The following JADE3 variants were observed in gnomAD, a reference collection of about 807,000 sequenced individuals.
JADE3 encodes protein Jade-3.
JADE3 carries 2 observed loss-of-function variants against 50.1 expected under a neutral mutation model. That is an observed-to-expected ratio of 0.04 (90% CI 0.02 to 0.13). The LOEUF (loss-of-function observed/expected upper bound fraction) is 0.13, where lower values mean the gene tolerates loss of function less well. JADE3 is among the 10% of genes least tolerant of loss of function. The pLI is 1.00. For missense variants in JADE3, 475 were observed against 634.4 expected, an observed-to-expected ratio of 0.75 and a Z score of 2.70; for synonymous variants, 218 against 232.9, an observed-to-expected ratio of 0.94 and a Z score of 0.58.
chrX:46,925,978 C>T (rs1926353411), intron 1 of JADE3, among the ~76,000 whole-genome samples: 1 of 109,015 alleles, frequency 9.2e-6, no homozygotes, highest in African/African-American at 3.3e-5. Context: ...ACCTCAGCTT[C>T]CTGAGTAGCT....
At chrX:47,047,729 A>C (rs1556371010) in intron 8 of JADE3, among the ~76,000 whole-genome samples, 1 of 111,472 alleles carries the variant, frequency 9.0e-6, no homozygotes, top group Non-Finnish European at 1.9e-5. Flanking sequence ...TCAAAATGTT[A>C]AACATAGAGT....
At position 46,926,021 on chromosome X, in the gene JADE3, AATTTTATTTT is replaced by A. The variant is rs201354375; in HGVS notation, c.-12+13349_-12+13358del. Among the ~76,000 whole-genome samples the A allele has an allele frequency of 3.8e-3, 304 of 80,081 alleles. 1 individual carries two copies. The highest frequency in any genetic ancestry group is 0.012 in the African/African-American group (229 of 19,374). The allele number at this position is 80,081 out of a possible 115,157, so 69.5% of individuals were successfully genotyped here. On this transcript the variant is annotated intron_variant, in intron 1 of 10. Transcript: ENST00000614628. ...CAGGTGTACACCACCATGCCCAGCT[AATTTTATTTT>A]ATTTTATTTTATTTTATTTTATTTT...
chrX:46,914,393 C>T (rs1161993299), intron 1 of JADE3, among the ~76,000 whole-genome samples: 4 of 111,997 alleles, frequency 3.6e-5, no homozygotes, highest in Admixed American at 2.8e-4. Context: ...TCTTCGGATA[C>T]GTAAAAATAG....
intron 1 of JADE3, among the ~76,000 whole-genome samples, chrX:46,924,776 T>G (rs1602370330): frequency 8.9e-6 from 1 of 112,554 alleles, no homozygotes; most frequent in East Asian, 2.8e-4. Flanking sequence ...CAAAATTCAA[T>G]GTATGCCTTT....
At chrX:46,966,641 C>T (rs1556349151) in intron 1 of JADE3, among the ~76,000 whole-genome samples, 1 of 111,578 alleles carries the variant, frequency 9.0e-6, no homozygotes, top group South Asian at 3.8e-4. Flanking sequence ...CACATTTTTC[C>T]AAGAATTCTG....
chrX:46,921,983 A>G (rs1399710883), intron 1 of JADE3, among the ~76,000 whole-genome samples: 1 of 106,324 alleles, frequency 9.4e-6, no homozygotes, highest in Non-Finnish European at 1.9e-5. Context: ...GGTCTGCCAC[A>G]TAGGTATATA....
At chrX:46,994,276 TG>T (rs1249839781) in intron 3 of JADE3, among the ~76,000 whole-genome samples, 2 of 111,956 alleles carry the variant, frequency 1.8e-5, no homozygotes, top group African/African-American at 3.2e-5. Context: ...AGGCCTCCTT[TG>T]TTTCTGCAAG....
At chrX:47,025,357 A>G (rs1362060381) in intron 5 of JADE3, among the ~76,000 whole-genome samples, 4 of 111,567 alleles carry the variant, frequency 3.6e-5, no homozygotes, top group African/African-American at 1.3e-4. Context: ...CAACTTCAGT[A>G]TTGAGCAGCA....
At chrX:47,009,770 G>A (rs1047047750) in intron 4 of JADE3, among the ~76,000 whole-genome samples, 2 of 108,624 alleles carry the variant, frequency 1.8e-5, no homozygotes, top group Non-Finnish European at 3.8e-5. Flanking sequence ...GACTACAGGC[G>A]CACACCACCG....
chrX:46,995,250 C>T (rs975111910), intron 3 of JADE3, among the ~76,000 whole-genome samples: 4 of 110,684 alleles, frequency 3.6e-5, no homozygotes, highest in Non-Finnish European at 5.7e-5. Flanking sequence ...AGGATGGTCT[C>T]GATCTCCTGA....
chrX:46,985,765 T>G lies in JADE3; in HGVS notation c.99T>G (p.Ile33Met), dbSNP rs1556354382. Residue 33 changes from isoleucine to methionine, a missense_variant, in exon 3 of 11, where the codon ATT becomes ATG. By Grantham distance (10) the Ile-to-Met change is conservative (BLOSUM62 1). Around this residue, in one of 6 missense-constraint regions of JADE3, gnomAD observed 31 missense variants for 29.3 expected, o/e 1.06. Transcript: ENST00000614628. ...CAATGTATAGGATCAAGTCAAAAATTCCAAATGAACACAAGAAACCTGCTG... is the reference window on the plus strand; with the variant it reads ...CAATGTATAGGATCAAGTCAAAAATGCCAAATGAACACAAGAAACCTGCTG... ...SGSMYRIKSK[I>M]PNEHKKPAEV... is the part of the protein sequence containing the mutation. The G allele has an allele frequency of 1.3e-5, 16 of 1,197,289 alleles. No homozygotes were observed. The highest frequency in any genetic ancestry group is 1.8e-5 in the Non-Finnish European group (16 of 883,891).
rs1204910088 is a variant in JADE3 at position 47,045,746 on chromosome X, G to A, written c.972+6681G>A. On this transcript the variant is annotated intron_variant, in intron 8 of 10. Coordinates refer to ENST00000614628, the MANE Select transcript of JADE3 (RefSeq NM_014735.5). ...TAGAAATCAATAACGAAGAATTTTG[G>A]AAACTATACAAACACTTAGAAATTA... is the stretch of plus-strand genomic sequence containing the variant. Among the ~76,000 whole-genome samples the A allele has an allele frequency of 3.6e-5, 4 of 110,708 alleles. No individual in the cohort carries two copies. In the Admixed American group the frequency reaches 3.9e-4, roughly 11 times the overall value.
intron 6 of JADE3, among the ~76,000 whole-genome samples, chrX:47,031,507 G>A (rs1200990830): frequency 9.0e-6 from 1 of 110,783 alleles, no homozygotes; most frequent in Non-Finnish European, 1.9e-5. Context: ...GTAGGCCAGG[G>A]TTAATTAAAA....
At chrX:47,000,389 T>C (rs1329535548) in intron 4 of JADE3, among the ~76,000 whole-genome samples, 1 of 111,076 alleles carries the variant, frequency 9.0e-6, no homozygotes, top group Admixed American at 9.6e-5. Context: ...TTTAGTCTCG[T>C]TGGTAAGTCA....
At chrX:47,056,004 A>G in intron 9 of JADE3, 78 bp from the exon 10 acceptor site, 1 of 634,514 alleles carries the variant, frequency 1.6e-6, no homozygotes, top group South Asian at 2.9e-5. Flanking sequence ...TTAGGTCTTT[A>G]TTTTAGCCAA....
intron 4 of JADE3, among the ~76,000 whole-genome samples, chrX:47,005,658 G>A (rs1487447296): frequency 8.9e-6 from 1 of 112,381 alleles, no homozygotes; most frequent in African/African-American, 3.2e-5. Context: ...CAGCAATGAT[G>A]TACCCCATTT....
chrX:47,043,781 T>G (rs1929317210), intron 8 of JADE3, among the ~76,000 whole-genome samples: 2 of 103,581 alleles, frequency 1.9e-5, no homozygotes, highest in African/African-American at 3.6e-5. Context: ...ATCATGCCAC[T>G]GCACTCCAGC....
At chrX:46,918,976 A>G (rs782413683) in intron 1 of JADE3, among the ~76,000 whole-genome samples, 1 of 112,638 alleles carries the variant, frequency 8.9e-6, no homozygotes, top group Non-Finnish European at 1.9e-5. Flanking sequence ...ATTGGGGGCC[A>G]TTACTGCAAT....
Position 46,999,184 on chromosome X carries a change from T to C in JADE3, c.284+907T>C, listed in dbSNP as rs141135821. 5.3e-3 allele frequency among the ~76,000 whole-genome samples: 576 copies of C among 109,467 alleles called. 1 individual carries two copies. The highest frequency in any genetic ancestry group is 0.018 in the African/African-American group (542 of 30,062). On this transcript the variant is annotated intron_variant, in intron 4 of 10. Transcript: ENST00000614628. ...CAAGCTCACTTTTATGATGACCCAC[T>C]CTTGTGAGAATTAATTCACTCCTGC...
Sources: gnomAD v4.1 joint callset for allele counts (sites outside exome capture counted in the v4.1 genomes callset) on GRCh38, gnomAD v4.1.1 for gene constraint, gnomAD v4.1.1 regional missense constraint, MANE v1.5 for transcripts, NCBI Gene and HGNC (gene_info 2026-07-23, HGNC 2026-07-21) for gene names.